Variants in MMP2 observed in about 807,000 individuals in gnomAD.
MMP2 encodes 72 kDa type IV collagenase.
MMP2 carries 39 observed loss-of-function variants against 74.8 expected under a neutral mutation model. The ratio of observed to expected loss-of-function variants is 0.52; its 90% confidence interval spans 0.40 to 0.68. The LOEUF (loss-of-function observed/expected upper bound fraction) is 0.68, where lower values mean the gene tolerates loss of function less well. Among genes scored for constraint, MMP2 ranks in the 30% least tolerant of loss-of-function variants. The probability of loss-of-function intolerance (pLI) is 0.00; values close to 1 mark genes in which losing one functional copy is unlikely to be tolerated. For missense variants in MMP2, 803 were observed against 878.3 expected, an observed-to-expected ratio of 0.91 and a Z score of 1.08; for synonymous variants, 367 against 339.8, an observed-to-expected ratio of 1.08 and a Z score of -0.88.
chr16:55,491,814 C>T lies in MMP2; in HGVS notation c.1194C>T (p.Phe398=). Residue 398 remains phenylalanine, a synonymous_variant, in exon 8 of 13, where the codon TTC becomes TTT. Transcript: ENST00000219070. ...GFCPDQGYSL[F]LVAAHEFGHA... is the part of the protein sequence containing the mutation. ...TGCAACCCTCAGGGTACAGCCTGTT[C>T]CTCGTGGCAGCCCACGAGTTTGGCC... The T allele has an allele frequency of 1.2e-6, 2 of 1,614,202 alleles. No individual in the cohort carries two copies. Among genetic ancestry groups the T allele is most frequent in the South Asian group, 1.1e-5 (1 of 91,086 alleles).
intron 11 of MMP2, among the ~76,000 whole-genome samples, chr16:55,502,045 C>T (rs1962679317): frequency 6.6e-6 from 1 of 152,194 alleles, no homozygotes; most frequent in Admixed American, 6.5e-5. Context: ...AAGTATTTAC[C>T]TGAATTAAAG....
In MMP2 at chr16:55,488,333, C is replaced by T. The variant is rs561944968; in HGVS notation, c.833-210C>T. 7.9e-4 allele frequency: 471 copies of T among 596,204 alleles called. 6 individuals carry two copies. The South Asian group carries it at 8.8e-3, about 11-fold the overall frequency. The allele number at this position is 596,204 out of a possible 1,614,324, so 36.9% of individuals were successfully genotyped here. On this transcript the variant is annotated intron_variant, in intron 5 of 12. Transcript: ENST00000219070. ...TTTGTTGTTGGGTGGTCCACAAGGT[C>T]CCACGGGAGGGATTGGGATAACCAG...
At chr16:55,493,041 G>A (rs1238291278) in intron 8 of MMP2, 117 bp from the exon 9 acceptor site, 2 of 1,282,140 alleles carry the variant, frequency 1.6e-6, no homozygotes, top group East Asian at 5.0e-5. Context: ...CTTACACTAA[G>A]GCCAGAAGGC....
chr16:55,488,506 T>C (rs1567375972), intron 5 of MMP2, 37 bp from the exon 6 acceptor site: 1 of 1,605,766 alleles, frequency 6.2e-7, no homozygotes, highest in African/African-American at 1.3e-5. Flanking sequence ...TGGAAGCATG[T>C]CTCATTCACA....
At chr16:55,500,214 C>T (rs552220871) in intron 11 of MMP2, among the ~76,000 whole-genome samples, 1 of 152,092 alleles carries the variant, frequency 6.6e-6, no homozygotes, top group African/African-American at 2.4e-5. Context: ...CAGACACTAG[C>T]CCCAGACAGT....
Position 55,488,322 on chromosome 16 carries a change from G to A in MMP2, c.833-221G>A, listed in dbSNP as rs2241146. On this transcript the variant is annotated intron_variant, in intron 5 of 12. Coordinates refer to ENST00000219070, the MANE Select transcript of MMP2 (RefSeq NM_004530.6). ...GTGTCAATCATTTTGTTGTTGGGTG[G>A]TCCACAAGGTCCCACGGGAGGGATT... 30,063 of 579,316 alleles carry A rather than the reference G, an allele frequency of 0.052. 1,571 individuals carry two copies. Among genetic ancestry groups the A allele is most frequent in the East Asian group, 0.18 (6,124 of 33,798 alleles). The allele number at this position is 579,316 out of a possible 1,614,324, so 35.9% of individuals were successfully genotyped here.
chr16:55,498,649 A>G (rs1240264675), intron 11 of MMP2, among the ~76,000 whole-genome samples: 1 of 152,144 alleles, frequency 6.6e-6, no homozygotes, highest in African/African-American at 2.4e-5. Context: ...TTGCTGATAT[A>G]ATTCTGGTGG....
intron 5 of MMP2, among the ~76,000 whole-genome samples, chr16:55,486,350 T>C (rs1479546225): frequency 3.6e-5 from 2 of 55,090 alleles, no homozygotes; most frequent in African/African-American, 1.2e-4. Flanking sequence ...TGTGTGCCTG[T>C]GTGTGTGTGT....
At chr16:55,495,159 C>T (rs544945409) in intron 9 of MMP2, among the ~76,000 whole-genome samples, 4 of 152,302 alleles carry the variant, frequency 2.6e-5, no homozygotes, top group South Asian at 4.1e-4. Flanking sequence ...CGTCAGGCCT[C>T]GAATGCCCAA....
At chr16:55,494,642 T>C (rs1281123322) in intron 9 of MMP2, among the ~76,000 whole-genome samples, 1 of 152,244 alleles carries the variant, frequency 6.6e-6, no homozygotes, top group Non-Finnish European at 1.5e-5. Flanking sequence ...ACTGGAACTC[T>C]GGGGCTAGGC....
intron 11 of MMP2, among the ~76,000 whole-genome samples, chr16:55,500,494 TACACACACACAC>T (rs55996787): frequency 4.2e-4 from 57 of 136,274 alleles, no homozygotes; most frequent in Non-Finnish European, 5.6e-4. Context: ...CATGTGCGCA[TACACACACACAC>T]ACACACACAC....
intron 3 of MMP2, among the ~76,000 whole-genome samples, chr16:55,484,896 G>T (rs1962202691): frequency 6.6e-6 from 1 of 152,188 alleles, no homozygotes. Flanking sequence ...AGATATTGGT[G>T]ATAGTGTGAC....
Position 55,484,017 on chromosome 16 carries a change from A to T in MMP2, c.382A>T (p.Ile128Phe), listed in dbSNP as rs2142346057. The T allele has an allele frequency of 6.2e-7, 1 of 1,614,200 alleles. No homozygotes were observed. Among genetic ancestry groups the T allele is most frequent in the African/African-American group, 1.3e-5 (1 of 75,060 alleles). The change falls in exon 3 of 13, where the codon ATC becomes TTC. Residue 128 changes from isoleucine to phenylalanine, a missense_variant and splice_region_variant. This residue lies in a region of MMP2 where 223 missense variants were observed against 232.8 expected (regional missense o/e 0.96). Transcript: ENST00000219070. ...KWDKNQITYRIIGYTPDLDPE... is the reference protein window; with the variant it reads ...KWDKNQITYRFIGYTPDLDPE... ...CACATGCAGTTCTACCACCTCCAGG[A>T]TCATTGGCTACACACCTGATCTGGA... is the stretch of plus-strand genomic sequence containing the variant.
At chr16:55,490,637 C>A (rs1393046866) in intron 7 of MMP2, among the ~76,000 whole-genome samples, 4 of 152,200 alleles carry the variant, frequency 2.6e-5, no homozygotes, top group Non-Finnish European at 4.4e-5. Context: ...GGTCCAGGGC[C>A]TGTCAGAATT....
chr16:55,484,233 A>G (rs1303175658), intron 3 of MMP2, 69 bp downstream of exon 3: 4 of 1,553,556 alleles, frequency 2.6e-6, no homozygotes, highest in Admixed American at 1.8e-5. Context: ...TGAGATGGAC[A>G]TTAGAGGGGC....
intron 10 of MMP2, among the ~76,000 whole-genome samples, 195 bp downstream of exon 10, chr16:55,497,257 C>T (rs16955273): frequency 0.016 from 2,466 of 152,310 alleles, 63 homozygotes; most frequent in African/African-American, 0.053. Flanking sequence ...GGTTCCGACA[C>T]CCAACATCAG....
At chr16:55,489,283 G>T (rs1220288134) in intron 6 of MMP2, among the ~76,000 whole-genome samples, 5 of 152,342 alleles carry the variant, frequency 3.3e-5, no homozygotes, top group South Asian at 2.1e-4. Flanking sequence ...AGGGGCATGT[G>T]CTGGTGCCAT....
chr16:55,497,156 C>T, intron 10 of MMP2, 94 bp downstream of exon 10: 1 of 1,544,182 alleles, frequency 6.5e-7, no homozygotes, highest in Non-Finnish European at 8.9e-7. Flanking sequence ...TCTCAAACCA[C>T]AGTTCCTATG....
At chr16:55,501,817 T>C (rs1962674580) in intron 11 of MMP2, among the ~76,000 whole-genome samples, 5 of 152,136 alleles carry the variant, frequency 3.3e-5, no homozygotes, top group Admixed American at 3.3e-4. Flanking sequence ...CAGGATGGGA[T>C]GCGAACACAG....
Sources: allele counts gnomAD v4.1 joint callset (sites outside exome capture counted in the v4.1 genomes callset), GRCh38; gene constraint gnomAD v4.1.1; regional missense constraint gnomAD v4.1.1; transcripts MANE v1.5; gene names NCBI Gene and HGNC (gene_info 2026-07-23, HGNC 2026-07-21).